Variants in KCNH8 observed in about 807,000 individuals in gnomAD.
KCNH8 encodes voltage-gated delayed rectifier potassium channel KCNH8.
KCNH8 carries 70 observed loss-of-function variants against 103.6 expected under a neutral mutation model. The observed-to-expected ratio is 0.68, with a 90% CI of 0.56 to 0.82. The LOEUF is 0.82. Among genes scored for constraint, KCNH8 ranks in the 40% least tolerant of loss-of-function variants. KCNH8 has a pLI of 0.00. For synonymous variants in KCNH8, 498 were observed against 489.4 expected (o/e 1.02, Z -0.23); for missense variants, 1,217 against 1,329.9 (o/e 0.92, Z 1.32).
Position 19,438,174 on chromosome 3 carries a change from T to A in KCNH8, c.1188T>A (p.His396Gln). Residue 396 changes from histidine (H) to glutamine (Q), a missense_variant, in exon 8 of 16, where the codon CAT becomes CAA. His to Gln is a conservative substitution (Grantham distance 24, BLOSUM62 0). Coordinates refer to ENST00000328405, the MANE Select transcript of KCNH8 (RefSeq NM_144633.3). ...SLLKWEVGWL[H>Q]ELGKRLESPY... ...TTTCCTCCTTTGCAGGTTGGCTTCA[T>A]GAGTTGGGAAAGAGACTGGAATCTC... The A allele has an allele frequency of 1.9e-6, 3 of 1,613,312 alleles. No individual in the cohort carries two copies. Among genetic ancestry groups the A allele is most frequent in the Non-Finnish European group, 2.5e-6 (3 of 1,179,282 alleles).
intron 11 of KCNH8, among the ~76,000 whole-genome samples, chr3:19,481,655 A>G (rs1301305266): frequency 6.6e-6 from 1 of 152,230 alleles, no homozygotes; most frequent in African/African-American, 2.4e-5. Context: ...AGAAAAATCT[A>G]TGACACAGAA....
chr3:19,522,053 G>T (rs556509429), intron 15 of KCNH8, among the ~76,000 whole-genome samples: 1 of 151,778 alleles, frequency 6.6e-6, no homozygotes, highest in African/African-American at 2.4e-5. Context: ...TCTACTTGCT[G>T]TATTTTATCA....
At chr3:19,496,063 G>C (rs1466302094) in intron 11 of KCNH8, among the ~76,000 whole-genome samples, 1 of 152,116 alleles carries the variant, frequency 6.6e-6, no homozygotes, top group East Asian at 1.9e-4. Flanking sequence ...CTGAAACTTT[G>C]CTGAAATTGT....
intron 3 of KCNH8, among the ~76,000 whole-genome samples, chr3:19,304,128 A>G (rs2065098645): frequency 6.6e-6 from 1 of 152,210 alleles, no homozygotes. Context: ...GCAGCCAAGA[A>G]GTCTATACCC....
chr3:19,496,620 T>C (rs1480040822), intron 11 of KCNH8, among the ~76,000 whole-genome samples: 2 of 151,742 alleles, frequency 1.3e-5, no homozygotes, highest in African/African-American at 4.8e-5. Flanking sequence ...GATTTTTGTC[T>C]GTGTTCATCA....
chr3:19,480,659 C>A (rs536457493), intron 11 of KCNH8, among the ~76,000 whole-genome samples: 1 of 152,224 alleles, frequency 6.6e-6, no homozygotes, highest in African/African-American at 2.4e-5. Flanking sequence ...AATTGCTATC[C>A]ATGTGCCTGG....
intron 11 of KCNH8, among the ~76,000 whole-genome samples, chr3:19,482,879 T>C (rs1179688334): frequency 1.3e-5 from 2 of 152,188 alleles, no homozygotes; most frequent in Non-Finnish European, 2.9e-5. Flanking sequence ...CAGAGCAGAA[T>C]AGTCAAGGCT....
At chr3:19,219,265 C>T (rs1007072446) in intron 1 of KCNH8, among the ~76,000 whole-genome samples, 1 of 152,084 alleles carries the variant, frequency 6.6e-6, no homozygotes, top group South Asian at 2.1e-4. Context: ...ACCCAGATCA[C>T]CCTATTTAAA....
intron 7 of KCNH8, among the ~76,000 whole-genome samples, chr3:19,409,782 A>T (rs1559314292): frequency 6.6e-6 from 1 of 152,142 alleles, no homozygotes; most frequent in Non-Finnish European, 1.5e-5. Flanking sequence ...ACATTACAAC[A>T]TTACATAATG....
At chr3:19,519,657 A>C (rs1394902413) in intron 15 of KCNH8, among the ~76,000 whole-genome samples, 1 of 151,714 alleles carries the variant, frequency 6.6e-6, no homozygotes, top group African/African-American at 2.4e-5. Context: ...TGTTAAAACA[A>C]AAAAACAAAA....
intron 5 of KCNH8, among the ~76,000 whole-genome samples, chr3:19,376,369 C>T (rs559176289): frequency 1.1e-4 from 16 of 152,112 alleles, no homozygotes; most frequent in South Asian, 2.1e-4. Flanking sequence ...TTTCCAGGTG[C>T]GTCTGTCACC....
chr3:19,264,720 A>G (rs920821569), intron 2 of KCNH8, among the ~76,000 whole-genome samples: 1 of 152,086 alleles, frequency 6.6e-6, no homozygotes, highest in Non-Finnish European at 1.5e-5. Context: ...AGCAGCTAGC[A>G]TTTACTGAGC....
intron 3 of KCNH8, among the ~76,000 whole-genome samples, chr3:19,318,760 A>C (rs1469411500): frequency 6.6e-6 from 1 of 151,438 alleles, no homozygotes; most frequent in Non-Finnish European, 1.5e-5. Flanking sequence ...ACTAGTTTAC[A>C]TTCTCACCAA....
intron 15 of KCNH8, among the ~76,000 whole-genome samples, chr3:19,521,485 C>G (rs1398637412): frequency 6.6e-6 from 1 of 151,918 alleles, no homozygotes; most frequent in East Asian, 1.9e-4. Context: ...TGATTCCATC[C>G]TCATACAAGG....
intron 5 of KCNH8, among the ~76,000 whole-genome samples, chr3:19,371,671 A>C (rs1233750628): frequency 6.6e-6 from 1 of 151,060 alleles, no homozygotes; most frequent in South Asian, 2.1e-4. Context: ...TGTTGTAGAC[A>C]TGAAGTCCTT....
rs367614128 is a variant in KCNH8 at position 19,148,698 on chromosome 3, A to C, written c.-22A>C. 6.2e-7 allele frequency: 1 copy of C among 1,612,428 alleles called. No homozygotes were observed. Among genetic ancestry groups the C allele is most frequent in the Non-Finnish European group, 8.5e-7 (1 of 1,178,468 alleles). On this transcript the variant is annotated 5_prime_UTR_variant, in exon 1 of 16. Transcript: ENST00000328405. The stretch of plus-strand genomic sequence containing the variant: ...TCCTTCTGGACAAACTTTGATGGAG[A>C]ATTTCACACCACGCTGGAAAAATGC...
intron 1 of KCNH8, among the ~76,000 whole-genome samples, chr3:19,245,549 G>A (rs1383818312): frequency 2.6e-5 from 4 of 152,038 alleles, no homozygotes; most frequent in Admixed American, 2.6e-4. Flanking sequence ...TCTTTTTGAT[G>A]GTATGGACAG....
intron 11 of KCNH8, among the ~76,000 whole-genome samples, chr3:19,485,716 T>G (rs2068192113): frequency 6.6e-6 from 1 of 152,206 alleles, no homozygotes; most frequent in Non-Finnish European, 1.5e-5. Context: ...CGATGCCCAG[T>G]AAGGGGTAGA....
In KCNH8 at chr3:19,532,061, T is replaced by A. The variant is rs550391372; in HGVS notation, c.2620-1334T>A. The stretch of plus-strand genomic sequence containing the variant: ...AATATGTTTTCCTCAATTTGAAGAA[T>A]ACAAATCTTTTAGAAAAGCTACGTT... On this transcript the variant is annotated intron_variant, in intron 15 of 15. Coordinates refer to ENST00000328405, the MANE Select transcript of KCNH8 (RefSeq NM_144633.3). 5.9e-5 allele frequency among the ~76,000 whole-genome samples: 9 copies of A among 152,350 alleles called. No homozygotes were observed. The South Asian group carries it at 1.7e-3, about 28-fold the overall frequency.
Sources: allele counts gnomAD v4.1 joint callset (sites outside exome capture counted in the v4.1 genomes callset), GRCh38; gene constraint gnomAD v4.1.1; transcripts MANE v1.5; gene names NCBI Gene and HGNC (gene_info 2026-07-23, HGNC 2026-07-21).